The following GFRAL variants were observed in gnomAD, a reference collection of about 807,000 sequenced individuals.
GFRAL encodes GDNF family receptor alpha-like.
A neutral mutation model predicts 45.4 loss-of-function variants in GFRAL; 36 were observed. The ratio of observed to expected loss-of-function variants is 0.79; its 90% CI spans 0.61 to 1.05. The LOEUF (loss-of-function observed/expected upper bound fraction) is 1.05, where lower values mean the gene tolerates loss of function less well. Among genes scored for constraint, GFRAL ranks in the 50% least tolerant of loss-of-function variants. GFRAL has a pLI of 0.00. For synonymous variants in GFRAL, 166 were observed against 154.1 expected (o/e 1.08, Z -0.57); for missense variants, 507 against 467.5 (o/e 1.08, Z -0.78).
intron 6 of GFRAL, among the ~76,000 whole-genome samples, chr6:55,392,186 T>C (rs1387023524): frequency 1.3e-5 from 2 of 152,190 alleles, no homozygotes; most frequent in Admixed American, 1.3e-4. Flanking sequence ...TTCCCACTAG[T>C]CCTCAAAGTG....
At chr6:55,358,789 G>A in intron 5 of GFRAL, 99 bp from the exon 6 acceptor site, 1 of 1,085,640 alleles carries the variant, frequency 9.2e-7, no homozygotes, top group Non-Finnish European at 1.3e-6. Flanking sequence ...CATCTCGAAG[G>A]CATTGTGTTC....
intron 6 of GFRAL, among the ~76,000 whole-genome samples, chr6:55,378,848 C>T (rs1045430167): frequency 6.6e-6 from 1 of 152,016 alleles, no homozygotes; most frequent in East Asian, 1.9e-4. Context: ...CTAGAGCCAC[C>T]TCTGTGAGTG....
intron 3 of GFRAL, among the ~76,000 whole-genome samples, chr6:55,343,975 G>C (rs1768005371): frequency 6.6e-6 from 1 of 152,022 alleles, no homozygotes. Context: ...ACTCTACCAA[G>C]ACTAAACCAG....
chr6:55,345,428 A>T (rs1768027007), intron 3 of GFRAL, among the ~76,000 whole-genome samples: 1 of 152,234 alleles, frequency 6.6e-6, no homozygotes, highest in African/African-American at 2.4e-5. Context: ...AACCTGACAA[A>T]AACATGAAAT....
At chr6:55,380,213 A>G (rs1768590023) in intron 6 of GFRAL, among the ~76,000 whole-genome samples, 1 of 151,908 alleles carries the variant, frequency 6.6e-6, no homozygotes, top group Admixed American at 6.6e-5. Context: ...GTTTTCCATA[A>G]TGGCTGCCCT....
chr6:55,342,931 G>A (rs1767988691), intron 3 of GFRAL, among the ~76,000 whole-genome samples: 1 of 151,240 alleles, frequency 6.6e-6, no homozygotes, highest in South Asian at 2.1e-4. Flanking sequence ...AGAGAAAGAA[G>A]GCCATTACAT....
At chr6:55,388,665 A>G (rs1768710410) in intron 6 of GFRAL, among the ~76,000 whole-genome samples, 2 of 152,192 alleles carry the variant, frequency 1.3e-5, no homozygotes, top group African/African-American at 4.8e-5. Flanking sequence ...CCAAACTGCC[A>G]TTCCAGCACC....
intron 5 of GFRAL, among the ~76,000 whole-genome samples, chr6:55,353,922 C>G (rs1768153057): frequency 6.6e-6 from 1 of 151,998 alleles, no homozygotes; most frequent in African/African-American, 2.4e-5. Context: ...ACTATTCTGC[C>G]TTTCTAACTA....
chr6:55,397,035 T>G (rs974345200), intron 6 of GFRAL, among the ~76,000 whole-genome samples: 7 of 152,022 alleles, frequency 4.6e-5, no homozygotes, highest in Non-Finnish European at 1.0e-4. Context: ...TGCACCACCA[T>G]GCCCAGCTAA....
rs375318874 is a variant in GFRAL at position 55,327,479 on chromosome 6, C to A, written c.-76C>A. 2 of 1,496,018 alleles carry A rather than the reference C, an allele frequency of 1.3e-6. No individual in the cohort carries two copies. The highest frequency in any genetic ancestry group is 9.3e-7 in the Non-Finnish European group (1 of 1,076,490). 92.7% of individuals were successfully genotyped at this position (1,496,018 alleles called of 1,614,324 possible). A position where few individuals can be genotyped will look rare whatever the true frequency, so the allele number is the denominator to read the frequency against. On this transcript the variant is annotated 5_prime_UTR_variant, in exon 1 of 9. Coordinates refer to ENST00000340465, the MANE Select transcript of GFRAL (RefSeq NM_207410.2). ...ACAGAGGCTGAAGCCTTATTCTGGA[C>A]AGTTACTCTTAAGAAAGTTGTCAGA...
intron 2 of GFRAL, among the ~76,000 whole-genome samples, chr6:55,333,317 T>C (rs1451911987): frequency 6.6e-6 from 1 of 152,070 alleles, no homozygotes; most frequent in African/African-American, 2.4e-5. Flanking sequence ...TTCAATAATA[T>C]TTATTGAGTG....
Position 55,397,483 on chromosome 6 carries a change from A to G in GFRAL, c.953-1697A>G, listed in dbSNP as rs988023678. 1.3e-4 allele frequency among the ~76,000 whole-genome samples: 15 copies of G among 116,796 alleles called. 1 individual carries two copies. The highest frequency in any genetic ancestry group is 4.9e-4 in the African/African-American group (15 of 30,412). 76.6% of individuals were successfully genotyped at this position (116,796 alleles called of 152,430 possible). A position where few individuals can be genotyped will look rare whatever the true frequency, so the allele number is the denominator to read the frequency against. On this transcript the variant is annotated intron_variant, in intron 6 of 8. Coordinates refer to ENST00000340465, the MANE Select transcript of GFRAL (RefSeq NM_207410.2). ...CAGTGAGCCGAGATTGCGCCACTGCAGTCCGCAGTCCGGCCTGGGCGACAG... is the reference window on the plus strand; with the variant it reads ...CAGTGAGCCGAGATTGCGCCACTGCGGTCCGCAGTCCGGCCTGGGCGACAG...
intron 6 of GFRAL, among the ~76,000 whole-genome samples, chr6:55,396,653 T>C (rs1210139264): frequency 6.6e-6 from 1 of 152,098 alleles, no homozygotes; most frequent in Admixed American, 6.5e-5. Context: ...GATCATTTAT[T>C]TTGCTAAAGG....
At chr6:55,351,192 G>A in intron 4 of GFRAL, 61 bp from the exon 5 acceptor site, 1 of 1,178,854 alleles carries the variant, frequency 8.5e-7, no homozygotes, top group Non-Finnish European at 1.2e-6. Flanking sequence ...GTGTTTTATA[G>A]TTTCTGTATG....
intron 6 of GFRAL, among the ~76,000 whole-genome samples, chr6:55,383,651 T>C (rs1046662463): frequency 6.6e-6 from 1 of 152,046 alleles, no homozygotes; most frequent in Non-Finnish European, 1.5e-5. Flanking sequence ...AATCTCCTAA[T>C]GATGCATTTC....
intron 6 of GFRAL, among the ~76,000 whole-genome samples, chr6:55,359,805 T>C (rs1389180909): frequency 6.6e-6 from 1 of 151,966 alleles, no homozygotes; most frequent in Non-Finnish European, 1.5e-5. Context: ...TGTAATTATT[T>C]CACTGAACAA....
chr6:55,393,993 T>A (rs1001028832), intron 6 of GFRAL, among the ~76,000 whole-genome samples: 58 of 152,156 alleles, frequency 3.8e-4, no homozygotes, highest in African/African-American at 1.4e-3. Flanking sequence ...GCTAGTTCAG[T>A]GCAGTTTGCA....
intron 6 of GFRAL, among the ~76,000 whole-genome samples, chr6:55,373,058 T>C (rs1768473077): frequency 6.8e-6 from 1 of 146,668 alleles, no homozygotes; most frequent in Non-Finnish European, 1.5e-5. Flanking sequence ...ACTATAAACC[T>C]ACATATAGTA....
intron 6 of GFRAL, among the ~76,000 whole-genome samples, chr6:55,375,556 G>C (rs983653962): frequency 6.1e-4 from 93 of 152,038 alleles, no homozygotes; most frequent in Middle Eastern, 3.4e-3. Context: ...ATATAGGATC[G>C]TATCATCTGC....
Sources: allele counts gnomAD v4.1 joint callset (sites outside exome capture counted in the v4.1 genomes callset), GRCh38; gene constraint gnomAD v4.1.1; transcripts MANE v1.5; gene names NCBI Gene and HGNC (gene_info 2026-07-23, HGNC 2026-07-21).